DGKB: variants seen among roughly 807,000 people sequenced by gnomAD.
DGKB encodes the protein 90 kDa diacylglycerol kinase.
Under a neutral mutation model 114.3 loss-of-function variants are expected in DGKB, and 67 were observed. That is an observed-to-expected ratio of 0.59 (90% CI 0.48 to 0.72). The LOEUF (loss-of-function observed/expected upper bound fraction) is 0.72. Ranked by LOEUF, DGKB falls within the 30% of genes least tolerant of loss-of-function variation. The probability of loss-of-function intolerance (pLI) is 0.00; values close to 1 mark genes in which losing one functional copy is unlikely to be tolerated. For synonymous variants in DGKB, 398 were observed against 323.1 expected, an observed-to-expected ratio of 1.23 and a Z score of -2.49; for missense variants, 907 against 975.2, an observed-to-expected ratio of 0.93 and a Z score of 0.93.
At chr7:14,902,053 C>G (rs1483899189) in intron 1 of DGKB, among the ~76,000 whole-genome samples, 1 of 152,130 alleles carries the variant, frequency 6.6e-6, no homozygotes, top group East Asian at 1.9e-4. Flanking sequence ...TTTATCATAT[C>G]ATCAGTGTGG....
Position 14,669,584 on chromosome 7 carries a change from T to C in DGKB, c.1134+3345A>G, listed in dbSNP as rs1818611131. On this transcript the variant is annotated intron_variant, in intron 13 of 25. Transcript: ENST00000402815. ...TCTTTCTCTGCTTTAATTTTTCCCT[T>C]GACATTGAAAACAAAACCAGTACTT... 2.6e-5 allele frequency among the ~76,000 whole-genome samples: 4 copies of C among 152,294 alleles called. No individual in the cohort carries two copies. In the South Asian group the frequency reaches 6.2e-4, roughly 24 times the overall value.
In DGKB at chr7:14,337,025, G is replaced by A. The variant is rs559449673; in HGVS notation, c.2122+1490C>T. Among the ~76,000 whole-genome samples, 43 of 152,196 alleles carry A rather than the reference G, an allele frequency of 2.8e-4. No homozygotes were observed. In the South Asian group the frequency reaches 8.9e-3, roughly 32 times the overall value. On this transcript the variant is annotated intron_variant, in intron 23 of 25. Coordinates refer to ENST00000402815, the MANE Select transcript of DGKB (RefSeq NM_001350709.2). Reference sequence around the variant, plus strand: ...AAATATTTTTAAGGAAGGAAGCAAGGAGTACATACGTAGTACCTAATAATA... The same window carrying A: ...AAATATTTTTAAGGAAGGAAGCAAGAAGTACATACGTAGTACCTAATAATA...
At chr7:14,416,976 G>C (rs1825815055) in intron 21 of DGKB, among the ~76,000 whole-genome samples, 1 of 151,994 alleles carries the variant, frequency 6.6e-6, no homozygotes, top group South Asian at 2.1e-4. Context: ...TTCTTCCTTA[G>C]TGTAAGCAAT....
At chr7:14,586,468 G>A (rs1396507666) in intron 17 of DGKB, among the ~76,000 whole-genome samples, 1 of 152,158 alleles carries the variant, frequency 6.6e-6, no homozygotes, top group African/African-American at 2.4e-5. Context: ...TGCTGAGGAA[G>A]AAGTGGCAGC....
chr7:14,733,149 C>T (rs1402833888), intron 5 of DGKB, among the ~76,000 whole-genome samples: 2 of 152,076 alleles, frequency 1.3e-5, no homozygotes, highest in Non-Finnish European at 2.9e-5. Flanking sequence ...TGTAATACTA[C>T]ACATTAAGAA....
chr7:14,807,527 T>A (rs898066228), intron 2 of DGKB, among the ~76,000 whole-genome samples: 4 of 152,024 alleles, frequency 2.6e-5, no homozygotes, highest in African/African-American at 9.7e-5. Context: ...AGAATTAGAA[T>A]TCAAATTAGA....
intron 7 of DGKB, among the ~76,000 whole-genome samples, chr7:14,700,070 C>T (rs985149709): frequency 6.6e-6 from 1 of 151,830 alleles, no homozygotes; most frequent in Non-Finnish European, 1.5e-5. Flanking sequence ...CTATACTAAG[C>T]ATATTAAAGT....
At chr7:14,286,327 G>A (rs1196924213) in intron 23 of DGKB, among the ~76,000 whole-genome samples, 2 of 152,006 alleles carry the variant, frequency 1.3e-5, no homozygotes, top group African/African-American at 2.4e-5. Context: ...CTGAAGACAC[G>A]CCATATAGCT....
intron 25 of DGKB, 132 bp downstream of exon 25, chr7:14,176,707 C>A: frequency 8.8e-6 from 13 of 1,474,482 alleles, no homozygotes; most frequent in Non-Finnish European, 1.2e-5. Flanking sequence ...ACACACATAA[C>A]AACAACAACA....
chr7:14,418,367 GTGTGTATATATA>G (rs375224312), intron 21 of DGKB, among the ~76,000 whole-genome samples: 70 of 62,264 alleles, frequency 1.1e-3, no homozygotes, highest in South Asian at 2.2e-3. Context: ...ATATATGTGT[GTGTGTATATATA>G]TATATATATA....
intron 20 of DGKB, among the ~76,000 whole-genome samples, chr7:14,549,299 G>A (rs1026892204): frequency 7.9e-5 from 12 of 152,208 alleles, no homozygotes; most frequent in Admixed American, 3.3e-4. Context: ...GCATGTGATA[G>A]GGGTACAAGT....
intron 14 of DGKB, among the ~76,000 whole-genome samples, chr7:14,628,667 G>A (rs537025182): frequency 4.6e-5 from 7 of 151,912 alleles, no homozygotes; most frequent in African/African-American, 1.4e-4. Context: ...CACATTTTCC[G>A]TTAACCAAGG....
At chr7:14,836,541 C>A (rs1021353221) in intron 2 of DGKB, among the ~76,000 whole-genome samples, 2 of 152,116 alleles carry the variant, frequency 1.3e-5, no homozygotes. Context: ...TTTGCTGTGA[C>A]GTGGAACCAC....
rs899126708 is a variant in DGKB, at chr7:14,607,463, G to C, written c.1404C>G (p.Tyr468Ter). ...FQYLLNPRQV[Y>*]SLSGNGPMPG... ...GCATTGGTCCATTTCCAGAAAGACT[G>C]TAAACCTGACGAGGATTTAATAGAT... The change falls in exon 17 of 26, where the codon TAC becomes TAG. Residue 468 changes from tyrosine to a stop codon, truncating the protein, a stop_gained. Transcript: ENST00000402815. LOFTEE classifies it high-confidence loss of function. The C allele has an allele frequency of 4.4e-6, 7 of 1,587,944 alleles. No individual in the cohort carries two copies. The highest frequency in any genetic ancestry group is 6.0e-6 in the Non-Finnish European group (7 of 1,158,002).
chr7:14,346,943 C>T (rs1333122437), intron 21 of DGKB, among the ~76,000 whole-genome samples: 1 of 151,972 alleles, frequency 6.6e-6, no homozygotes, highest in African/African-American at 2.4e-5. Context: ...TTTCTAATAA[C>T]ATTTTTGTGT....
At chr7:14,446,221 A>T (rs1301291748) in intron 21 of DGKB, among the ~76,000 whole-genome samples, 1 of 152,112 alleles carries the variant, frequency 6.6e-6, no homozygotes, top group Admixed American at 6.6e-5. Flanking sequence ...GAGCCAGACA[A>T]ACTTACTGTG....
rs145738583 is a variant in DGKB at position 14,244,300 on chromosome 7, T to C, written c.2123-66149A>G. Among the ~76,000 whole-genome samples, 14 of 152,274 alleles carry C rather than the reference T, an allele frequency of 9.2e-5. No homozygotes were observed. The East Asian group carries it at 2.3e-3, about 25-fold the overall frequency. ...AGCCTTTAGCTCAATGACACTGTTA[T>C]AGACTGAATGCTTGCGTTCTTCCCA... is the stretch of plus-strand genomic sequence containing the variant. On this transcript the variant is annotated intron_variant, in intron 23 of 25. Coordinates refer to ENST00000402815, the MANE Select transcript of DGKB (RefSeq NM_001350709.2).
chr7:14,951,011 A>G (rs2128260266), intron 1 of DGKB, among the ~76,000 whole-genome samples: 1 of 152,134 alleles, frequency 6.6e-6, no homozygotes, highest in South Asian at 2.1e-4. Flanking sequence ...ATGTCAATAG[A>G]CACAGTAAAA....
chr7:14,316,415 G>A (rs1806535173), intron 23 of DGKB, among the ~76,000 whole-genome samples: 1 of 119,270 alleles, frequency 8.4e-6, no homozygotes, highest in Non-Finnish European at 1.8e-5. Flanking sequence ...AAAGAGAGAA[G>A]AATCAAATAG....
Sources: allele counts gnomAD v4.1 joint callset (sites outside exome capture counted in the v4.1 genomes callset), GRCh38; gene constraint gnomAD v4.1.1; transcripts MANE v1.5; gene names NCBI Gene and HGNC (gene_info 2026-07-23, HGNC 2026-07-21).